Variants in CNTN1 observed in about 807,000 individuals in gnomAD.
CNTN1 encodes contactin-1.
In CNTN1, 38 loss-of-function variants were observed where a neutral mutation model predicts 126.4. The observed-to-expected ratio is 0.30, with a 90% CI of 0.23 to 0.39. The LOEUF (loss-of-function observed/expected upper bound fraction) is 0.39, where lower values mean the gene tolerates loss of function less well. CNTN1 is among the 10% of genes least tolerant of loss of function. CNTN1 has a pLI of 1.00. For missense variants in CNTN1, 1,009 were observed against 1,248.4 expected (o/e 0.81, Z 2.89); for synonymous variants, 413 against 422.6 (o/e 0.98, Z 0.28).
chr12:40,933,677 C>T lies in CNTN1; in HGVS notation c.804-20C>T. 1 of 1,610,328 alleles carries T rather than the reference C, an allele frequency of 6.2e-7. No homozygotes were observed. The highest frequency in any genetic ancestry group is 1.3e-5 in the African/African-American group (1 of 74,862). ...CTTTTAAGTGTGTGAAACTTTAACC[C>T]TTGTATCTTCTATTTAAAGTCCTGT... On this transcript the variant is annotated intron_variant, in intron 8 of 23. Transcript: ENST00000551295.
chr12:40,920,899 G>A (rs893679135), intron 4 of CNTN1, among the ~76,000 whole-genome samples: 6 of 152,168 alleles, frequency 3.9e-5, no homozygotes, highest in African/African-American at 1.4e-4. Context: ...GATGTCACAA[G>A]CACAATCAGA....
rs564580751 is a variant in CNTN1, at chr12:40,963,893, T to G, written c.1804+4659T>G. ...AAAGAGTGTCATTTAGAGGCAAGAGTTTTGCAGGATTTATACAGCAAGATT... is the reference window on the plus strand; with the variant it reads ...AAAGAGTGTCATTTAGAGGCAAGAGGTTTGCAGGATTTATACAGCAAGATT... On this transcript the variant is annotated intron_variant, in intron 15 of 23. Transcript: ENST00000551295. Among the ~76,000 whole-genome samples, 432 of 152,082 alleles carry G rather than the reference T, an allele frequency of 2.8e-3. 1 individual carries two copies. Among genetic ancestry groups the G allele is most frequent in the African/African-American group, 9.8e-3 (409 of 41,524 alleles).
intron 1 of CNTN1, among the ~76,000 whole-genome samples, chr12:40,716,992 A>C (rs954373034): frequency 6.6e-6 from 1 of 152,206 alleles, no homozygotes; most frequent in African/African-American, 2.4e-5. Flanking sequence ...GGGGAAAGAG[A>C]AAATAATGGT....
intron 23 of CNTN1, among the ~76,000 whole-genome samples, chr12:41,049,103 A>G (rs1949614853): frequency 6.6e-6 from 1 of 151,706 alleles, no homozygotes; most frequent in Non-Finnish European, 1.5e-5. Flanking sequence ...GTCTGTTTTG[A>G]TTTTTCTTTT....
At chr12:40,974,870 A>G (rs1947627864) in intron 15 of CNTN1, among the ~76,000 whole-genome samples, 1 of 152,108 alleles carries the variant, frequency 6.6e-6, no homozygotes, top group African/African-American at 2.4e-5. Context: ...ATTAAAATGT[A>G]CAGTATAAAT....
At chr12:41,017,596 C>T (rs1289456170) in intron 19 of CNTN1, among the ~76,000 whole-genome samples, 1 of 151,760 alleles carries the variant, frequency 6.6e-6, no homozygotes, top group Non-Finnish European at 1.5e-5. Context: ...AAAATTTGTC[C>T]TGTAGGGCAT....
chr12:40,958,383 G>T (rs888187102), intron 14 of CNTN1, among the ~76,000 whole-genome samples: 1 of 150,256 alleles, frequency 6.7e-6, no homozygotes, highest in Non-Finnish European at 1.5e-5. Context: ...GTGTGTGTAT[G>T]TATGTATGTA....
At chr12:41,063,089 A>AT (rs1190600369) in intron 23 of CNTN1, among the ~76,000 whole-genome samples, 1 of 152,244 alleles carries the variant, frequency 6.6e-6, no homozygotes, top group Non-Finnish European at 1.5e-5. Flanking sequence ...AATAAATAAG[A>AT]TAAAAAATGC....
intron 1 of CNTN1, among the ~76,000 whole-genome samples, chr12:40,864,686 C>G (rs572910486): frequency 6.6e-6 from 1 of 152,228 alleles, no homozygotes; most frequent in South Asian, 2.1e-4. Context: ...CTTTTTATTA[C>G]TGTATAATAT....
intron 16 of CNTN1, among the ~76,000 whole-genome samples, chr12:40,984,004 A>G (rs988196874): frequency 8.7e-6 from 1 of 115,542 alleles, no homozygotes; most frequent in African/African-American, 3.1e-5. Context: ...ATTTAGTAAT[A>G]TATTATTAAA....
intron 11 of CNTN1, among the ~76,000 whole-genome samples, chr12:40,938,598 T>C (rs1259657592): frequency 6.6e-6 from 1 of 152,204 alleles, no homozygotes; most frequent in African/African-American, 2.4e-5. Flanking sequence ...ATTTATAAAC[T>C]GGGAATAGTT....
intron 15 of CNTN1, among the ~76,000 whole-genome samples, chr12:40,976,363 C>G (rs1947671440): frequency 6.6e-6 from 1 of 151,986 alleles, no homozygotes; most frequent in African/African-American, 2.4e-5. Context: ...TTTATGTTAA[C>G]TTTGGGGTAA....
intron 14 of CNTN1, among the ~76,000 whole-genome samples, chr12:40,948,714 A>T (rs1393678417): frequency 6.6e-6 from 1 of 152,200 alleles, no homozygotes; most frequent in Non-Finnish European, 1.5e-5. Context: ...TAATTCTCCC[A>T]TAAGTATTTG....
chr12:40,795,036 C>T (rs998776686), intron 1 of CNTN1, among the ~76,000 whole-genome samples: 8 of 151,896 alleles, frequency 5.3e-5, no homozygotes, highest in Non-Finnish European at 8.8e-5. Context: ...GTTGATTTTA[C>T]GTAAAGTAGA....
chr12:40,811,451 A>G (rs929435614), intron 1 of CNTN1, among the ~76,000 whole-genome samples: 7 of 152,178 alleles, frequency 4.6e-5, no homozygotes, highest in African/African-American at 1.4e-4. Context: ...TCACTTCTCT[A>G]TAATTTTTCA....
At chr12:40,731,151 T>A (rs1251731097) in intron 1 of CNTN1, among the ~76,000 whole-genome samples, 1 of 152,084 alleles carries the variant, frequency 6.6e-6, no homozygotes, top group Non-Finnish European at 1.5e-5. Context: ...TTAATATTTG[T>A]TCTTTGACAA....
chr12:40,885,954 T>C (rs1944014039), intron 1 of CNTN1, among the ~76,000 whole-genome samples: 1 of 152,092 alleles, frequency 6.6e-6, no homozygotes, highest in South Asian at 2.1e-4. Flanking sequence ...CGTGTGTTTG[T>C]TAATACTGCA....
chr12:41,008,756 A>C (rs1318491722), intron 17 of CNTN1, among the ~76,000 whole-genome samples: 3 of 152,306 alleles, frequency 2.0e-5, no homozygotes, highest in South Asian at 2.1e-4. Context: ...TGTCCTAAAC[A>C]TCTCTCTTTT....
intron 1 of CNTN1, among the ~76,000 whole-genome samples, chr12:40,738,331 G>A (rs1937783908): frequency 6.6e-6 from 1 of 151,894 alleles, no homozygotes; most frequent in African/African-American, 2.4e-5. Context: ...TTTGGGAGAT[G>A]GGGCAGAAAT....
Sources: allele counts gnomAD v4.1 joint callset (sites outside exome capture counted in the v4.1 genomes callset), GRCh38; gene constraint gnomAD v4.1.1; transcripts MANE v1.5; gene names NCBI Gene and HGNC (gene_info 2026-07-23, HGNC 2026-07-21).